MCUR1: variants seen among roughly 807,000 people sequenced by gnomAD.
MCUR1 encodes the protein MCU regulator 1.
A neutral mutation model predicts 42.0 loss-of-function variants in MCUR1; 37 were observed. That is an observed-to-expected ratio of 0.88 (90% CI 0.68 to 1.16). The LOEUF (loss-of-function observed/expected upper bound fraction) is 1.16, where lower values mean the gene tolerates loss of function less well. MCUR1 is among the 50% of genes most tolerant of loss of function. The probability of loss-of-function intolerance (pLI) is 0.00; values close to 1 mark genes in which losing one functional copy is unlikely to be tolerated. For missense variants in MCUR1, 469 were observed against 468.4 expected, an observed-to-expected ratio of 1.00 and a Z score of -0.01; for synonymous variants, 229 against 196.2, an observed-to-expected ratio of 1.17 and a Z score of -1.40.
chr6:13,809,057 C>T (rs1012503600), intron 1 of MCUR1, among the ~76,000 whole-genome samples: 13 of 152,058 alleles, frequency 8.5e-5, no homozygotes, highest in African/African-American at 3.1e-4. Context: ...GGGTTATAAA[C>T]TCTGTTGTTT....
intron 6 of MCUR1, among the ~76,000 whole-genome samples, chr6:13,796,920 T>C (rs574736123): frequency 2.3e-4 from 35 of 152,284 alleles, no homozygotes; most frequent in Middle Eastern, 3.4e-3. Flanking sequence ...AAGATAAAGG[T>C]AACCAAAAGA....
At chr6:13,812,629 C>A (rs751061001) in intron 1 of MCUR1, among the ~76,000 whole-genome samples, 2 of 152,224 alleles carry the variant, frequency 1.3e-5, no homozygotes, top group Admixed American at 6.5e-5. Context: ...TCATTCCCCA[C>A]TCTCTGTATA....
intron 6 of MCUR1, among the ~76,000 whole-genome samples, chr6:13,798,422 C>G (rs1467724424): frequency 6.6e-6 from 1 of 151,774 alleles, no homozygotes; most frequent in Non-Finnish European, 1.5e-5. Flanking sequence ...ATCTTGAATT[C>G]CAGTATATAA....
intron 7 of MCUR1, among the ~76,000 whole-genome samples, chr6:13,793,317 C>A (rs1414540570): frequency 6.6e-6 from 1 of 152,064 alleles, no homozygotes; most frequent in African/African-American, 2.4e-5. Flanking sequence ...CATCTGTGCA[C>A]CCATGCCCAC....
chr6:13,804,192 G>A, intron 2 of MCUR1: 1 of 223,522 alleles, frequency 4.5e-6, no homozygotes, highest in Non-Finnish European at 9.4e-6. Context: ...GTGTGGTGGT[G>A]CATGCCTGTA....
chr6:13,793,500 A>G (rs963011506), intron 7 of MCUR1, among the ~76,000 whole-genome samples: 19 of 152,250 alleles, frequency 1.2e-4, no homozygotes, highest in African/African-American at 4.6e-4. Context: ...GTTAAGTGAA[A>G]TAAGCCAGCC....
chr6:13,803,534 A>G (rs941218368), intron 2 of MCUR1, among the ~76,000 whole-genome samples: 6 of 152,220 alleles, frequency 3.9e-5, no homozygotes, highest in Non-Finnish European at 7.3e-5. Context: ...CTTGGAATAA[A>G]GTAGTACTTA....
chr6:13,813,571 G>A (rs1584992871), intron 1 of MCUR1, among the ~76,000 whole-genome samples: 1 of 152,254 alleles, frequency 6.6e-6, no homozygotes, highest in East Asian at 1.9e-4. Flanking sequence ...AGGACTCCAC[G>A]AATTAATGAT....
At chr6:13,794,999 TTGAA>T (rs1005716705) in intron 6 of MCUR1, among the ~76,000 whole-genome samples, 2 of 152,026 alleles carry the variant, frequency 1.3e-5, no homozygotes, top group African/African-American at 4.8e-5. Context: ...AATCAGTAAT[TTGAA>T]TGACGACTTT....
At chr6:13,809,482 T>G (rs887281050) in intron 1 of MCUR1, among the ~76,000 whole-genome samples, 2 of 152,232 alleles carry the variant, frequency 1.3e-5, no homozygotes, top group Admixed American at 6.5e-5. Context: ...TTTTTGTGCA[T>G]TTAGCCACAG....
At chr6:13,797,340 G>T (rs899796500) in intron 6 of MCUR1, among the ~76,000 whole-genome samples, 2 of 152,136 alleles carry the variant, frequency 1.3e-5, no homozygotes, top group African/African-American at 4.8e-5. Context: ...TTCAAATAAA[G>T]TCTGAGCAAG....
rs755336056 is a variant in MCUR1 at position 13,800,404 on chromosome 6, G to A, written c.742-22C>T. 6 of 1,142,758 alleles carry A rather than the reference G, an allele frequency of 5.3e-6. No individual in the cohort carries two copies. In the African/African-American group the frequency reaches 6.0e-5, roughly 11 times the overall value. 70.8% of individuals were successfully genotyped at this position (1,142,758 alleles called of 1,614,324 possible). A position where few individuals can be genotyped will look rare whatever the true frequency, so the allele number is the denominator to read the frequency against. On this transcript the variant is annotated intron_variant, in intron 4 of 8. Transcript: ENST00000379170. Reference sequence around the variant, plus strand: ...TTTTCTAAAAACACATAAAAAAAAAGTCATTAGAAAGAACAACATAAAACG... The same window carrying A: ...TTTTCTAAAAACACATAAAAAAAAAATCATTAGAAAGAACAACATAAAACG...
chr6:13,813,752 C>G (rs529176733), intron 1 of MCUR1, among the ~76,000 whole-genome samples: 18 of 152,342 alleles, frequency 1.2e-4, no homozygotes, highest in Non-Finnish European at 2.1e-4. Context: ...CGGGCACCAA[C>G]TCCCCGCCCC....
chr6:13,801,239 C>G (rs200786597), intron 4 of MCUR1, 49 bp downstream of exon 4: 41 of 1,228,028 alleles, frequency 3.3e-5, no homozygotes, highest in Non-Finnish European at 4.7e-5. Flanking sequence ...TAATTTATCT[C>G]AATGTCTTAA....
chr6:13,813,057 T>C (rs1024235632), intron 1 of MCUR1, among the ~76,000 whole-genome samples: 1 of 152,216 alleles, frequency 6.6e-6, no homozygotes. Context: ...GCAAATACCA[T>C]TGTGTTCAGA....
At chr6:13,811,425 C>T (rs1359480467) in intron 1 of MCUR1, among the ~76,000 whole-genome samples, 1 of 152,070 alleles carries the variant, frequency 6.6e-6, no homozygotes, top group African/African-American at 2.4e-5. Flanking sequence ...GAGATGAATT[C>T]CTTTCTCCTC....
At position 13,800,378 on chromosome 6, in the gene MCUR1, AT is replaced by A. The variant is rs771748551; in HGVS notation, c.745del (p.Ile249Ter). On this transcript the variant is annotated frameshift_variant, in exon 5 of 9. Coordinates refer to ENST00000379170, the MANE Select transcript of MCUR1 (RefSeq NM_001031713.4). LOFTEE classifies it high-confidence loss of function. ...TTTTAACTGATGTAGTTCGAGTTTT[AT>A]TTTCTAAAAACACATAAAAAAAAAG... ...FSALRAENEK[I>X]KLELHQLKQQ... 6.6e-7 allele frequency: 1 copy of A among 1,525,560 alleles called. No individual in the cohort carries two copies. Among genetic ancestry groups the A allele is most frequent in the South Asian group, 1.2e-5 (1 of 83,688 alleles). The allele number at this position is 1,525,560 out of a possible 1,614,324, so 94.5% of individuals were successfully genotyped here.
chr6:13,801,339 A>T lies in MCUR1; in HGVS notation c.690T>A (p.Asp230Glu). Residue 230 changes from aspartate (D) to glutamate (E), a missense_variant, in exon 4 of 9, where the codon GAT becomes GAA. Asp to Glu is a conservative substitution (Grantham distance 45, BLOSUM62 2). Transcript: ENST00000379170. Reference sequence around the variant, plus strand: ...ATTCACTCTTCTCCAAAATAATCATATCCTTTTTCACATTCGCAATCTGAG... The same window carrying T: ...ATTCACTCTTCTCCAAAATAATCATTTCCTTTTTCACATTCGCAATCTGAG... ...VMSQIANVKK[D>E]MIILEKSEFS... is the part of the protein sequence containing the mutation. 1 of 1,613,206 alleles carries T rather than the reference A, an allele frequency of 6.2e-7. No individual in the cohort carries two copies.
At position 13,814,334 on chromosome 6, in the gene MCUR1, G is replaced by C. The variant is rs1584993501; in HGVS notation, c.96C>G (p.Gly32=). 3.3e-6 allele frequency: 5 copies of C among 1,509,720 alleles called. No homozygotes were observed. The highest frequency in any genetic ancestry group is 4.4e-6 in the Non-Finnish European group (5 of 1,136,080). The allele number at this position is 1,509,720 out of a possible 1,614,324, so 93.5% of individuals were successfully genotyped here. A position where few individuals can be genotyped will look rare whatever the true frequency, so the allele number is the denominator to read the frequency against. The change falls in exon 1 of 9, where the codon GGC becomes GGG. Residue 32 remains glycine (G), a synonymous_variant. Transcript: ENST00000379170. ...AGCGGCGTGCTGAGGTTTCGCTGCC[G>C]CCCGGTCTTCCGCTGAGGCCCACGG... ...FLPVGLSGRP[G]GSETSARRCL...
Sources: gnomAD v4.1 joint callset for allele counts (sites outside exome capture counted in the v4.1 genomes callset) on GRCh38, gnomAD v4.1.1 for gene constraint, MANE v1.5 for transcripts, NCBI Gene and HGNC (gene_info 2026-07-23, HGNC 2026-07-21) for gene names.